The following INO80D variants were observed in gnomAD, a reference collection of about 807,000 sequenced individuals.
The protein encoded by INO80D is INO80 complex subunit D.
Under a neutral mutation model 87.6 loss-of-function variants are expected in INO80D, and 21 were observed. The observed-to-expected ratio is 0.24, with a 90% CI of 0.17 to 0.35. The LOEUF is 0.35. Ranked by LOEUF, INO80D falls within the 10% of genes least tolerant of loss-of-function variation. INO80D has a pLI of 1.00. For missense variants in INO80D, 982 were observed against 1,280.7 expected, an observed-to-expected ratio of 0.77 and a Z score of 3.56; for synonymous variants, 440 against 491.0, an observed-to-expected ratio of 0.90 and a Z score of 1.37.
At chr2:206,056,150 C>A in intron 4 of INO80D, 48 bp downstream of exon 4, 1 of 1,508,770 alleles carries the variant, frequency 6.6e-7, no homozygotes, top group Middle Eastern at 1.8e-4. Flanking sequence ...CAACCGAACA[C>A]ATTTTGTCAT....
intron 1 of INO80D, among the ~76,000 whole-genome samples, chr2:206,070,779 G>A (rs929133651): frequency 6.6e-6 from 1 of 151,778 alleles, no homozygotes; most frequent in Non-Finnish European, 1.5e-5. Flanking sequence ...ACAACAGCTT[G>A]TCTGGAAATA....
At chr2:206,024,530 G>A (rs572141517) in intron 6 of INO80D, among the ~76,000 whole-genome samples, 1 of 152,006 alleles carries the variant, frequency 6.6e-6, no homozygotes, top group East Asian at 1.9e-4. Flanking sequence ...ATTACATATG[G>A]TATATTAGAT....
At chr2:206,009,340 T>C (rs1475481046) in intron 9 of INO80D, among the ~76,000 whole-genome samples, 1 of 99,580 alleles carries the variant, frequency 1.0e-5, no homozygotes, top group African/African-American at 3.0e-5. Flanking sequence ...GTTGAGAGTA[T>C]ACAATTAAAG....
chr2:206,026,183 G>A (rs536419971), intron 6 of INO80D, among the ~76,000 whole-genome samples: 151 of 152,206 alleles, frequency 9.9e-4, no homozygotes, highest in Admixed American at 3.1e-3. Flanking sequence ...ACAGGTGTGA[G>A]CCACTGCACC....
chr2:206,012,683 C>T (rs1273450406), intron 8 of INO80D, among the ~76,000 whole-genome samples: 3 of 151,924 alleles, frequency 2.0e-5, no homozygotes, highest in Non-Finnish European at 4.4e-5. Context: ...ACCTGGCCAA[C>T]ATGGTAAAAC....
chr2:206,027,086 T>C (rs767915561), intron 6 of INO80D, among the ~76,000 whole-genome samples: 46 of 152,160 alleles, frequency 3.0e-4, no homozygotes, highest in African/African-American at 1.0e-3. Context: ...ACAGATAACA[T>C]GATTTCAATT....
chr2:206,050,558 T>TTTCA, intron 4 of INO80D, among the ~76,000 whole-genome samples: 1 of 148,540 alleles, frequency 6.7e-6, no homozygotes, highest in East Asian at 2.0e-4. Context: ...TGACATAATA[T>TTTCA]TTCATCATTT....
intron 7 of INO80D, 24 bp downstream of exon 7, chr2:206,019,712 C>T (rs1688408849): frequency 6.4e-7 from 1 of 1,571,740 alleles, no homozygotes; most frequent in Non-Finnish European, 8.7e-7. Flanking sequence ...TTTCAATGCA[C>T]ATTCCATTTA....
chr2:206,010,062 T>TACACAC lies in INO80D; in HGVS notation c.1543-274_1543-269dup, dbSNP rs144790541. On this transcript the variant is annotated intron_variant, in intron 8 of 10. Coordinates refer to ENST00000403263, the MANE Select transcript of INO80D (RefSeq NM_017759.5). ...GATGGTCATTATAGTTGACACTGTC[T>TACACAC]ACACACACACACACACACACACACG... Among the ~76,000 whole-genome samples, 266 of 149,080 alleles carry TACACAC rather than the reference T, an allele frequency of 1.8e-3. 1 individual carries two copies. Among genetic ancestry groups the TACACAC allele is most frequent in the African/African-American group, 3.5e-3 (143 of 40,654 alleles).
intron 1 of INO80D, among the ~76,000 whole-genome samples, chr2:206,070,863 A>C (rs1417283768): frequency 1.3e-5 from 2 of 149,576 alleles, no homozygotes; most frequent in East Asian, 3.9e-4. Context: ...GCCTGAAGCC[A>C]GTCTCTTGAT....
rs1687854967 is a variant in INO80D at position 205,998,881 on chromosome 2, A to G, written c.*5487T>C. ...ACAAGGAATCCCTGAGACATACTCA[A>G]TACTATACAGTGAAAAGAACTATCA... On this transcript the variant is annotated 3_prime_UTR_variant, in exon 11 of 11. Coordinates refer to ENST00000403263, the MANE Select transcript of INO80D (RefSeq NM_017759.5). The G allele has an allele frequency of 6.6e-6, 1 of 152,208 alleles. No individual in the cohort carries two copies. The highest frequency in any genetic ancestry group is 1.5e-5 in the Non-Finnish European group (1 of 68,048). 9.4% of individuals were successfully genotyped at this position (152,208 alleles called of 1,614,324 possible).
intron 1 of INO80D, among the ~76,000 whole-genome samples, chr2:206,072,263 T>C (rs1689990909): frequency 4.0e-5 from 6 of 151,470 alleles, no homozygotes; most frequent in Admixed American, 3.3e-4. Flanking sequence ...ATATTTTGGG[T>C]TTTTTGGGAG....
At position 206,065,426 on chromosome 2, in the gene INO80D, G is replaced by A. The variant is rs543744152; in HGVS notation, c.-123-2182C>T. Among the ~76,000 whole-genome samples the A allele has an allele frequency of 9.2e-5, 14 of 152,114 alleles. 1 individual carries two copies. Among genetic ancestry groups the A allele is most frequent in the Admixed American group, 7.2e-4 (11 of 15,268 alleles). ...AGAGGTTGCAGTGAGCCGAGATCAC[G>A]CCACTGCACTCCAGTCTGGGCAACA... On this transcript the variant is annotated intron_variant, in intron 1 of 10. Coordinates refer to ENST00000403263, the MANE Select transcript of INO80D (RefSeq NM_017759.5).
chr2:206,075,492 A>G (rs1690089282), intron 1 of INO80D, among the ~76,000 whole-genome samples: 3 of 151,188 alleles, frequency 2.0e-5, no homozygotes, highest in Non-Finnish European at 4.4e-5. Flanking sequence ...GCTGGAGTGC[A>G]GTGGCACGAT....
chr2:206,012,777 G>A (rs1350968989), intron 8 of INO80D, among the ~76,000 whole-genome samples: 1 of 149,650 alleles, frequency 6.7e-6, no homozygotes, highest in African/African-American at 2.5e-5. Flanking sequence ...GCTACTGTGG[G>A]AGAATTCCTT....
chr2:206,073,734 C>T (rs938074945), intron 1 of INO80D, among the ~76,000 whole-genome samples: 2 of 152,186 alleles, frequency 1.3e-5, no homozygotes, highest in East Asian at 1.9e-4. Context: ...AGGCTGGTCT[C>T]GAACCTCTAG....
chr2:206,033,392 C>T (rs1688818004), intron 5 of INO80D, among the ~76,000 whole-genome samples: 1 of 152,136 alleles, frequency 6.6e-6, no homozygotes, highest in Admixed American at 6.5e-5. Context: ...AAGTATCTCT[C>T]AGACTACAGT....
At chr2:206,018,099 C>T (rs567562336) in intron 7 of INO80D, among the ~76,000 whole-genome samples, 2 of 152,288 alleles carry the variant, frequency 1.3e-5, no homozygotes, top group Non-Finnish European at 2.9e-5. Context: ...CCATTTCCTT[C>T]TTAACATGTG....
intron 1 of INO80D, among the ~76,000 whole-genome samples, chr2:206,073,316 C>A (rs1013428079): frequency 6.6e-6 from 1 of 152,146 alleles, no homozygotes; most frequent in South Asian, 2.1e-4. Context: ...TCACTCTTTA[C>A]CCCTAGCCTT....
Sources: gnomAD v4.1 joint callset for allele counts (sites outside exome capture counted in the v4.1 genomes callset) on GRCh38, gnomAD v4.1.1 for gene constraint, MANE v1.5 for transcripts, NCBI Gene and HGNC (gene_info 2026-07-23, HGNC 2026-07-21) for gene names.